Variants in MICU2 observed in about 807,000 individuals in gnomAD.
MICU2 encodes calcium uptake protein 2, mitochondrial.
MICU2 carries 64 observed loss-of-function variants against 60.4 expected under a neutral mutation model. The observed-to-expected ratio is 1.06, with a 90% confidence interval of 0.87 to 1.31. MICU2 has a LOEUF of 1.31. Among genes scored for constraint, MICU2 ranks in the 50% most tolerant of loss-of-function variants. The pLI, the probability that MICU2 is intolerant of heterozygous loss-of-function variation, is 0.00. For missense variants in MICU2, 569 were observed against 531.0 expected, an observed-to-expected ratio of 1.07 and a Z score of -0.70; for synonymous variants, 201 against 175.0, an observed-to-expected ratio of 1.15 and a Z score of -1.17.
At chr13:21,544,534 A>AAC (rs35445161) in intron 2 of MICU2, among the ~76,000 whole-genome samples, 7 of 150,098 alleles carry the variant, frequency 4.7e-5, no homozygotes, top group South Asian at 2.1e-4. Context: ...AAAAAAAAAA[A>AAC]CTCAATACCA....
intron 2 of MICU2, among the ~76,000 whole-genome samples, chr13:21,560,607 A>G (rs1887816265): frequency 6.7e-6 from 1 of 148,942 alleles, no homozygotes; most frequent in Non-Finnish European, 1.5e-5. Context: ...TAAATTTTCA[A>G]ATCAGCTTGT....
chr13:21,549,402 C>T (rs953487493), intron 2 of MICU2, among the ~76,000 whole-genome samples: 2 of 152,112 alleles, frequency 1.3e-5, no homozygotes, highest in African/African-American at 2.4e-5. Context: ...CTACACAGTT[C>T]AACTGCAATT....
intron 1 of MICU2, among the ~76,000 whole-genome samples, chr13:21,600,261 TACTC>T (rs1478440238): frequency 6.6e-6 from 1 of 152,208 alleles, no homozygotes; most frequent in Non-Finnish European, 1.5e-5. Flanking sequence ...TTGCAGCTCT[TACTC>T]TGCTGAGTCC....
intron 7 of MICU2, among the ~76,000 whole-genome samples, chr13:21,511,004 C>T (rs559908160): frequency 5.9e-5 from 9 of 152,248 alleles, no homozygotes; most frequent in African/African-American, 2.2e-4. Flanking sequence ...AGGGCTTCAA[C>T]GGCTTCTTTC....
At position 21,539,282 on chromosome 13, in the gene MICU2, TAAC is replaced by T. The variant is rs759634627; in HGVS notation, c.466+17_466+19del. ...TAAATAAAACACATAACTAGAAATT[TAAC>T]AACAAACCAAAATTACCTTTATCGC... On this transcript the variant is annotated intron_variant, in intron 4 of 11. Transcript: ENST00000382374. 1.2e-6 allele frequency: 2 copies of T among 1,608,944 alleles called. No individual in the cohort carries two copies. Among genetic ancestry groups the T allele is most frequent in the African/African-American group, 1.3e-5 (1 of 74,820 alleles).
intron 4 of MICU2, among the ~76,000 whole-genome samples, chr13:21,529,757 G>A (rs1886942290): frequency 6.6e-6 from 1 of 152,214 alleles, no homozygotes; most frequent in Non-Finnish European, 1.5e-5. Flanking sequence ...TACAGATGAA[G>A]TAGGCTTTAA....
At chr13:21,545,478 C>G (rs976365011) in intron 2 of MICU2, among the ~76,000 whole-genome samples, 2 of 152,062 alleles carry the variant, frequency 1.3e-5, no homozygotes, top group Admixed American at 1.3e-4. Flanking sequence ...GTTAGGAGTT[C>G]GAGACCAGCC....
At chr13:21,573,791 A>G (rs1466575889) in intron 1 of MICU2, among the ~76,000 whole-genome samples, 1 of 152,122 alleles carries the variant, frequency 6.6e-6, no homozygotes, top group Non-Finnish European at 1.5e-5. Flanking sequence ...TATTCTGAAA[A>G]GGCACACATT....
At chr13:21,514,186 C>T (rs1394018794) in intron 7 of MICU2, among the ~76,000 whole-genome samples, 167 bp downstream of exon 7, 2 of 152,172 alleles carry the variant, frequency 1.3e-5, no homozygotes, top group African/African-American at 4.8e-5. Context: ...TTCAGACCAC[C>T]ACGTATATGC....
chr13:21,543,280 C>T (rs1042476393), intron 2 of MICU2, among the ~76,000 whole-genome samples: 1 of 152,100 alleles, frequency 6.6e-6, no homozygotes, highest in Non-Finnish European at 1.5e-5. Flanking sequence ...GACAAGGATG[C>T]TCACCCCTTT....
At chr13:21,592,084 T>G (rs559842057) in intron 1 of MICU2, among the ~76,000 whole-genome samples, 1 of 149,732 alleles carries the variant, frequency 6.7e-6, no homozygotes, top group South Asian at 2.1e-4. Context: ...CAGGAGCTGG[T>G]TTTTTGAAAA....
intron 1 of MICU2, among the ~76,000 whole-genome samples, chr13:21,576,295 A>C (rs1475661855): frequency 6.6e-6 from 1 of 152,170 alleles, no homozygotes; most frequent in Non-Finnish European, 1.5e-5. Context: ...GCTGAGAAGT[A>C]GATGCAGAGC....
chr13:21,603,684 T>C (rs1027630700), intron 1 of MICU2: 73 of 546,174 alleles, frequency 1.3e-4, no homozygotes, highest in Admixed American at 1.4e-4. Context: ...TTGTGGGCCG[T>C]GGTGTTCAGC....
chr13:21,533,592 G>C (rs1434779048), intron 4 of MICU2, among the ~76,000 whole-genome samples: 1 of 152,044 alleles, frequency 6.6e-6, no homozygotes, highest in African/African-American at 2.4e-5. Context: ...CAAAGTGCTG[G>C]GATTACAAGC....
chr13:21,592,515 A>AAG (rs201519694), intron 1 of MICU2, among the ~76,000 whole-genome samples: 4 of 7,194 alleles, frequency 5.6e-4, no homozygotes, highest in African/African-American at 6.1e-4. Flanking sequence ...TCATTTTATG[A>AAG]AGAGCATCAT....
chr13:21,539,988 T>C (rs1253519424), intron 2 of MICU2, among the ~76,000 whole-genome samples: 1 of 152,202 alleles, frequency 6.6e-6, no homozygotes, highest in African/African-American at 2.4e-5. Flanking sequence ...AATCATATTA[T>C]TAATTCTTGT....
intron 2 of MICU2, among the ~76,000 whole-genome samples, chr13:21,548,714 C>G (rs1887472901): frequency 6.6e-6 from 1 of 152,124 alleles, no homozygotes; most frequent in Non-Finnish European, 1.5e-5. Context: ...ACCTGGCATC[C>G]CAAGACACCT....
intron 9 of MICU2, among the ~76,000 whole-genome samples, chr13:21,501,474 G>A (rs1180498353): frequency 6.6e-6 from 1 of 152,122 alleles, no homozygotes; most frequent in Non-Finnish European, 1.5e-5. Context: ...GTGTTAACCA[G>A]GATGGTCTTG....
chr13:21,521,454 A>G, intron 5 of MICU2, 127 bp from the exon 6 acceptor site: 1 of 640,620 alleles, frequency 1.6e-6, no homozygotes, highest in Non-Finnish European at 2.6e-6. Flanking sequence ...CAGAAAAATA[A>G]TGATTTCTTA....
Sources: gnomAD v4.1 joint callset for allele counts (sites outside exome capture counted in the v4.1 genomes callset) on GRCh38, gnomAD v4.1.1 for gene constraint, MANE v1.5 for transcripts, NCBI Gene and HGNC (gene_info 2026-07-23, HGNC 2026-07-21) for gene names.